NBAS: variants seen among roughly 807,000 people sequenced by gnomAD.
The protein encoded by NBAS is NAG/BC035112 fusion.
Under a neutral mutation model 302.5 loss-of-function variants are expected in NBAS, and 219 were observed. That is an observed-to-expected ratio of 0.72 (90% CI 0.65 to 0.81). The LOEUF (loss-of-function observed/expected upper bound fraction) is 0.81, where lower values mean the gene tolerates loss of function less well. Ranked by LOEUF, NBAS falls within the 30% of genes least tolerant of loss-of-function variation. The pLI, the probability that NBAS is intolerant of heterozygous loss-of-function variation, is 0.00. For synonymous variants in NBAS, 1,118 were observed against 1,021.6 expected (o/e 1.09, Z -1.80); for missense variants, 2,932 against 2,841.6 (o/e 1.03, Z -0.72).
the NBAS span, among the ~76,000 whole-genome samples, chr2:15,119,303 CTTTTTTTTTTT>C: frequency 0.045 from 4,818 of 107,870 alleles, 178 homozygotes; most frequent in African/African-American, 0.1. Context: ...GAAATCCTTT[CTTTTTTTTTTT>C]TTTTTTTTTT....
At chr2:15,235,935 CA>C (rs1262496791) in intron 45 of NBAS, among the ~76,000 whole-genome samples, 1 of 152,226 alleles carries the variant, frequency 6.6e-6, no homozygotes, top group East Asian at 1.9e-4. Flanking sequence ...TGAAAGCCTT[CA>C]ACTTTGATTA....
chr2:15,003,279 T>C, the NBAS span, among the ~76,000 whole-genome samples: 1 of 152,186 alleles, frequency 6.6e-6, no homozygotes, highest in Non-Finnish European at 1.5e-5. Context: ...CCATGTGTTT[T>C]GAATGATCAA....
chr2:15,514,903 A>C (rs1662315424), intron 9 of NBAS, among the ~76,000 whole-genome samples: 1 of 152,182 alleles, frequency 6.6e-6, no homozygotes, highest in Non-Finnish European at 1.5e-5. Context: ...TAAGAACAAA[A>C]GGGATTCAGT....
chr2:15,144,541 G>A, the NBAS span, among the ~76,000 whole-genome samples: 15 of 152,144 alleles, frequency 9.9e-5, no homozygotes, highest in Non-Finnish European at 1.6e-4. Context: ...GACAGGAGTC[G>A]CTACACAATC....
chr2:15,176,567 C>T (rs1217338401), intron 51 of NBAS, among the ~76,000 whole-genome samples: 1 of 152,194 alleles, frequency 6.6e-6, no homozygotes, highest in Non-Finnish European at 1.5e-5. Flanking sequence ...CATAATATTA[C>T]AGGTAAGTAT....
the NBAS span, among the ~76,000 whole-genome samples, chr2:15,110,463 AATGTACAAAG>A: frequency 1.3e-5 from 2 of 152,324 alleles, no homozygotes; most frequent in Non-Finnish European, 2.9e-5. Flanking sequence ...GTTCATACAT[AATGTACAAAG>A]ATGGACAGCA....
the NBAS span, among the ~76,000 whole-genome samples, chr2:15,113,193 T>A: frequency 6.6e-6 from 1 of 152,016 alleles, no homozygotes; most frequent in African/African-American, 2.4e-5. Context: ...CTGGGTGGGG[T>A]AGGGGGGCCT....
At chr2:15,412,842 C>T (rs868601288) in intron 25 of NBAS, among the ~76,000 whole-genome samples, 1 of 152,182 alleles carries the variant, frequency 6.6e-6, no homozygotes. Context: ...ATTTTCCAAA[C>T]CACCGTTGAC....
intron 42 of NBAS, among the ~76,000 whole-genome samples, chr2:15,283,972 T>C (rs1278610206): frequency 9.9e-5 from 15 of 152,090 alleles, no homozygotes; most frequent in Non-Finnish European, 1.5e-5. Context: ...GCTACTAAGT[T>C]TGTAATGAGT....
chr2:15,034,037 A>AGGAGGAGGAGGAGGAGG, the NBAS span, among the ~76,000 whole-genome samples: 164 of 41,986 alleles, frequency 3.9e-3, 9 homozygotes, highest in East Asian at 0.02. Context: ...GAGGAGGAGG[A>AGGAGGAGGAGGAGGAGG]AGGAGGAGGA....
intron 16 of NBAS, among the ~76,000 whole-genome samples, chr2:15,471,532 G>A (rs1041497680): frequency 4.6e-5 from 7 of 152,106 alleles, no homozygotes; most frequent in African/African-American, 1.4e-4. Flanking sequence ...GTTAAGATCA[G>A]AAGTCTCAAC....
At chr2:14,825,030 T>C in the NBAS span, among the ~76,000 whole-genome samples, 1 of 152,184 alleles carries the variant, frequency 6.6e-6, no homozygotes, top group Non-Finnish European at 1.5e-5. Flanking sequence ...ACATAAAGTA[T>C]TTTAATTCAC....
At chr2:14,820,935 C>CT in the NBAS span, among the ~76,000 whole-genome samples, 73 of 145,106 alleles carry the variant, frequency 5.0e-4, no homozygotes, top group African/African-American at 1.1e-3. Flanking sequence ...CTTTTCTTTT[C>CT]TTTTTTTTTT....
chr2:14,855,160 A>G, the NBAS span, among the ~76,000 whole-genome samples: 1 of 152,054 alleles, frequency 6.6e-6, no homozygotes, highest in Non-Finnish European at 1.5e-5. Context: ...ATGTCTAGAC[A>G]CACCCTGGGA....
At chr2:15,276,038 C>T (rs558432548) in intron 43 of NBAS, among the ~76,000 whole-genome samples, 2 of 152,296 alleles carry the variant, frequency 1.3e-5, no homozygotes, top group Admixed American at 6.5e-5. Context: ...ATAGGCCATT[C>T]ATCTTCTGTG....
chr2:15,403,837 CT>C (rs1219898592), intron 25 of NBAS, among the ~76,000 whole-genome samples: 4 of 149,622 alleles, frequency 2.7e-5, no homozygotes, highest in Non-Finnish European at 5.9e-5. Context: ...AAACAGCTAC[CT>C]TTTCCTGATT....
At chr2:15,196,715 TA>T (rs1665639159) in intron 48 of NBAS, among the ~76,000 whole-genome samples, 1 of 152,190 alleles carries the variant, frequency 6.6e-6, no homozygotes, top group African/African-American at 2.4e-5. Context: ...CATATATATT[TA>T]ATATAATGTT....
chr2:15,519,449 A>G (rs1208042896), intron 9 of NBAS, among the ~76,000 whole-genome samples: 1 of 146,512 alleles, frequency 6.8e-6, no homozygotes, highest in Non-Finnish European at 1.5e-5. Context: ...TTTTTTTTTA[A>G]TTTTTGAGAC....
intron 35 of NBAS, among the ~76,000 whole-genome samples, chr2:15,346,665 G>A (rs1241209237): frequency 6.6e-6 from 1 of 152,144 alleles, no homozygotes; most frequent in African/African-American, 2.4e-5. Flanking sequence ...TATACTCAAA[G>A]GAATGTAAAT....
Sources: allele counts gnomAD v4.1 joint callset (sites outside exome capture counted in the v4.1 genomes callset), GRCh38; gene constraint gnomAD v4.1.1; transcripts MANE v1.5; gene names NCBI Gene and HGNC (gene_info 2026-07-23, HGNC 2026-07-21).